Variants in SETD5 observed in about 807,000 individuals in gnomAD.
SETD5 encodes the protein histone-lysine N-methyltransferase SETD5.
A neutral mutation model predicts 153.3 loss-of-function variants in SETD5; 44 were observed. The ratio of observed to expected loss-of-function variants is 0.29; its 90% CI spans 0.23 to 0.37. The LOEUF is 0.37. Among genes scored for constraint, SETD5 ranks in the 10% least tolerant of loss-of-function variants. The probability of loss-of-function intolerance (pLI) is 1.00; values close to 1 mark genes in which losing one functional copy is unlikely to be tolerated. For missense variants in SETD5, 1,544 were observed against 1,768.0 expected, an observed-to-expected ratio of 0.87 and a Z score of 2.27; for synonymous variants, 716 against 645.2, an observed-to-expected ratio of 1.11 and a Z score of -1.66.
chr3:9,420,259 G>A (rs937977634), intron 1 of SETD5, among the ~76,000 whole-genome samples: 1 of 151,978 alleles, frequency 6.6e-6, no homozygotes, highest in East Asian at 1.9e-4. Flanking sequence ...TAATAATTCT[G>A]TTATTTATGA....
chr3:9,443,836 C>T (rs59049946), intron 11 of SETD5, among the ~76,000 whole-genome samples: 4 of 152,076 alleles, frequency 2.6e-5, no homozygotes, highest in Non-Finnish European at 5.9e-5. Context: ...AAGGCTGAGG[C>T]GGGCGGATCA....
intron 2 of SETD5, among the ~76,000 whole-genome samples, chr3:9,424,762 C>T (rs771624737): frequency 2.6e-5 from 4 of 152,146 alleles, no homozygotes; most frequent in Non-Finnish European, 5.9e-5. Context: ...TAAGAAAATA[C>T]TGCATTTAGA....
chr3:9,472,322 A>G (rs766332927), intron 19 of SETD5, among the ~76,000 whole-genome samples: 4 of 152,184 alleles, frequency 2.6e-5, no homozygotes, highest in Admixed American at 6.5e-5. Context: ...TTAGTCAGGG[A>G]GCAATCAAGG....
At chr3:9,444,943 A>G (rs544725407) in intron 11 of SETD5, 105 bp from the exon 12 acceptor site, 17 of 1,403,654 alleles carry the variant, frequency 1.2e-5, no homozygotes, top group South Asian at 9.7e-5. Context: ...TTCAGAGACA[A>G]TATCAGAGGA....
intron 18 of SETD5, among the ~76,000 whole-genome samples, chr3:9,467,199 CA>C (rs35894304): frequency 5.9e-3 from 241 of 40,880 alleles, no homozygotes; most frequent in African/African-American, 7.9e-3. Flanking sequence ...GACTCTCTCT[CA>C]AAAAAAAAAA....
chr3:9,440,217 C>A (rs191221013), intron 7 of SETD5, among the ~76,000 whole-genome samples: 1 of 152,136 alleles, frequency 6.6e-6, no homozygotes, highest in Non-Finnish European at 1.5e-5. Context: ...TAATTTCTTA[C>A]TTTATAAATG....
chr3:9,445,337 C>CG, intron 12 of SETD5, 37 bp downstream of exon 12: 1 of 1,582,248 alleles, frequency 6.3e-7, no homozygotes, highest in Non-Finnish European at 8.6e-7. Context: ...GCTATGGCAT[C>CG]AATCCTCCAA....
intron 1 of SETD5, among the ~76,000 whole-genome samples, chr3:9,400,110 G>C (rs1012628576): frequency 2.6e-5 from 4 of 152,208 alleles, no homozygotes; most frequent in African/African-American, 9.6e-5. Flanking sequence ...TCACTGCTGA[G>C]CTGGTTTGCT....
chr3:9,455,468 C>T (rs2043130463), intron 17 of SETD5, among the ~76,000 whole-genome samples: 1 of 151,910 alleles, frequency 6.6e-6, no homozygotes, highest in South Asian at 2.1e-4. Context: ...TTAGATTATA[C>T]CTCATAAGTT....
intron 16 of SETD5, among the ~76,000 whole-genome samples, chr3:9,450,476 C>G (rs1232176884): frequency 6.6e-6 from 1 of 152,146 alleles, no homozygotes; most frequent in Admixed American, 6.6e-5. Flanking sequence ...TTTTAAAATA[C>G]AGCTTTTTAT....
chr3:9,452,178 A>G (rs1259432191), intron 16 of SETD5, among the ~76,000 whole-genome samples: 1 of 152,244 alleles, frequency 6.6e-6, no homozygotes, highest in Non-Finnish European at 1.5e-5. Flanking sequence ...CATCAGATCC[A>G]GAATGTAAAT....
chr3:9,442,052 A>G lies in SETD5; in HGVS notation c.960-76A>G, dbSNP rs878970880. The stretch of plus-strand genomic sequence containing the variant: ...AGACTGCTGCTGCTTCTCTCAGCAT[A>G]TGCTTCATATTTGGAGTCATGGGGT... On this transcript the variant is annotated intron_variant, in intron 9 of 22. Transcript: ENST00000402198. The G allele has an allele frequency of 6.6e-5, 64 of 966,482 alleles. No homozygotes were observed. The South Asian group carries it at 8.0e-4, about 12-fold the overall frequency. The allele number at this position is 966,482 out of a possible 1,614,324, so 59.9% of individuals were successfully genotyped here.
intron 19 of SETD5, among the ~76,000 whole-genome samples, chr3:9,472,734 C>T (rs149524509): frequency 7.2e-4 from 110 of 152,196 alleles, no homozygotes; most frequent in Non-Finnish European, 1.3e-3. Context: ...CCACCTCCCT[C>T]TCCTCCATCT....
At position 9,447,254 on chromosome 3, in the gene SETD5, C is replaced by G. The variant is rs1423040273; in HGVS notation, c.1729C>G (p.Pro577Ala). The G allele has an allele frequency of 6.2e-7, 1 of 1,613,998 alleles. No homozygotes were observed. Among genetic ancestry groups the G allele is most frequent in the Non-Finnish European group, 8.5e-7 (1 of 1,179,882 alleles). ...CAACTCTGTTTCAAATGTTACCATC[C>G]CAAGCACCCCACAGAGTGTTGGTGT... ...VSNSVSNVTI[P>A]STPQSVGVNT... is the part of the protein sequence containing the mutation. Residue 577 changes from proline to alanine, a missense_variant, in exon 14 of 23, where the codon CCA becomes GCA. Transcript: ENST00000402198.
rs1478803576 is a variant in SETD5 at position 9,470,904 on chromosome 3, C to A, written c.3170C>A (p.Pro1057His). The A allele has an allele frequency of 1.3e-6, 2 of 1,597,290 alleles. No individual in the cohort carries two copies. Among genetic ancestry groups the A allele is most frequent in the South Asian group, 1.1e-5 (1 of 88,984 alleles). Reference protein sequence around the residue: ...ERACEGVPSAPQNPPQRKKVS... With the variant: ...ERACEGVPSAHQNPPQRKKVS... ...GCCTGTGAAGGAGTCCCATCTGCCC[C>A]CCAGAACCCACCACAGAGGAAAAAA... Residue 1057 changes from proline (P) to histidine (H), a missense_variant, in exon 19 of 23, where the codon CCC becomes CAC. Pro to His is a moderately conservative substitution (Grantham distance 77). This residue lies in a region of SETD5 where 782 missense variants were observed against 787.2 expected (regional missense o/e 0.99). Transcript: ENST00000402198.
At chr3:9,447,638 T>G (rs1489780493) in intron 14 of SETD5, 48 bp from the exon 15 acceptor site, 4 of 1,572,546 alleles carry the variant, frequency 2.5e-6, no homozygotes, top group East Asian at 2.3e-5. Context: ...TTAGACTGTT[T>G]GCTGATAAAA....
rs116407796 is a variant in SETD5, at chr3:9,465,410, C to G, written c.2724+738C>G. ...AGAATCCATGTATACTTTTTTAAAA[C>G]ACTTCATCTATTGCATGTTACTTTG... On this transcript the variant is annotated intron_variant, in intron 18 of 22. Coordinates refer to ENST00000402198, the MANE Select transcript of SETD5 (RefSeq NM_001080517.3). 5.7e-3 allele frequency among the ~76,000 whole-genome samples: 871 copies of G among 152,290 alleles called. 6 individuals carry two copies. The highest frequency in any genetic ancestry group is 0.019 in the African/African-American group (789 of 41,566).
chr3:9,466,066 A>G (rs1034087335), intron 18 of SETD5, among the ~76,000 whole-genome samples: 3 of 152,138 alleles, frequency 2.0e-5, no homozygotes, highest in East Asian at 3.9e-4. Flanking sequence ...AGGCAGGCGG[A>G]TCACGAGGTC....
At chr3:9,435,559 A>T (rs926246415) in intron 6 of SETD5, among the ~76,000 whole-genome samples, 169 bp from the exon 7 acceptor site, 11 of 152,244 alleles carry the variant, frequency 7.2e-5, no homozygotes, top group African/African-American at 2.4e-4. Flanking sequence ...AATGACATAG[A>T]ATCTTGTTTT....
Sources: gnomAD v4.1 joint callset for allele counts (sites outside exome capture counted in the v4.1 genomes callset) on GRCh38, gnomAD v4.1.1 for gene constraint, gnomAD v4.1.1 regional missense constraint, MANE v1.5 for transcripts, NCBI Gene and HGNC (gene_info 2026-07-23, HGNC 2026-07-21) for gene names.